Variants in KIAA1217 observed in about 807,000 individuals in gnomAD.
The protein encoded by KIAA1217 is KIAA1217.
In KIAA1217, 88 loss-of-function variants were observed where a neutral mutation model predicts 163.9. That is an observed-to-expected ratio of 0.54 (90% CI 0.45 to 0.64). The LOEUF is 0.64. Among genes scored for constraint, KIAA1217 ranks in the 30% least tolerant of loss-of-function variants. The pLI is 0.00. For synonymous variants in KIAA1217, 903 were observed against 923.1 expected, an observed-to-expected ratio of 0.98 and a Z score of 0.39; for missense variants, 2,372 against 2,475.0, an observed-to-expected ratio of 0.96 and a Z score of 0.88.
chr10:23,801,545 AG>A (rs1210582889), intron 1 of KIAA1217, among the ~76,000 whole-genome samples: 1 of 152,232 alleles, frequency 6.6e-6, no homozygotes. Context: ...ACTCCATCCA[AG>A]GGTTTAATTG....
intron 5 of KIAA1217, chr10:24,449,865 A>G (rs901655803): frequency 8.5e-6 from 4 of 470,950 alleles, no homozygotes; most frequent in African/African-American, 4.2e-5. Flanking sequence ...TTCAAGTTCA[A>G]TGCAATAGGC....
chr10:24,007,113 G>C (rs1485199274), intron 1 of KIAA1217: 2 of 151,344 alleles, frequency 1.3e-5, no homozygotes, highest in African/African-American at 4.9e-5. Context: ...TATCATAGAG[G>C]TATTTTATTC....
At chr10:24,487,283 G>C (rs1385658558) in intron 6 of KIAA1217, among the ~76,000 whole-genome samples, 2 of 152,144 alleles carry the variant, frequency 1.3e-5, no homozygotes, top group African/African-American at 2.4e-5. Flanking sequence ...ACAGAATTCT[G>C]GCTGGGCTGT....
rs2064948825 is a variant in KIAA1217, at chr10:24,157,859, C to T, written c.-170-61767C>T. On this transcript the variant is annotated intron_variant, in intron 2 of 18. Coordinates refer to the KIAA1217 transcript ENST00000376462. Reference sequence around the variant, plus strand: ...AATGGCAGCCTTTGCCATGGAACTCCAGGTGCCTGCATTAGGATCTGAACC... The same window carrying T: ...AATGGCAGCCTTTGCCATGGAACTCTAGGTGCCTGCATTAGGATCTGAACC... 5.5e-6 allele frequency: 3 copies of T among 550,376 alleles called. No individual in the cohort carries two copies. In the South Asian group the frequency reaches 8.4e-5, roughly 15 times the overall value. 34.1% of individuals were successfully genotyped at this position (550,376 alleles called of 1,614,324 possible). A position where few individuals can be genotyped will look rare whatever the true frequency, so the allele number is the denominator to read the frequency against.
chr10:23,817,998 T>TACAC lies in KIAA1217; in HGVS notation c.-321+122765_-321+122766insCACA, dbSNP rs1299529809. On this transcript the variant is annotated intron_variant, in intron 1 of 18. Coordinates refer to the KIAA1217 transcript ENST00000376462. ...ATATATATATATATATATATATATATATATATATATACACACATATATATA... is the reference window on the plus strand; with the variant it reads ...ATATATATATATATATATATATATATACACATATATATATACACACATATATATA... Among the ~76,000 whole-genome samples the TACAC allele has an allele frequency of 4.0e-3, 419 of 103,722 alleles. 14 individuals are homozygous for TACAC. The highest frequency in any genetic ancestry group is 0.017 in the African/African-American group (405 of 23,594). The allele number at this position is 103,722 out of a possible 152,430, so 68.0% of individuals were successfully genotyped here. A position where few individuals can be genotyped will look rare whatever the true frequency, so the allele number is the denominator to read the frequency against.
chr10:24,206,564 C>G (rs569627343), upstream of KIAA1217, among the ~76,000 whole-genome samples: 3 of 152,296 alleles, frequency 2.0e-5, no homozygotes, highest in South Asian at 6.2e-4. Context: ...AGTGCCTTCT[C>G]AAATTGTTTT....
chr10:24,332,065 T>G (rs2045750802), intron 2 of KIAA1217, among the ~76,000 whole-genome samples: 1 of 152,226 alleles, frequency 6.6e-6, no homozygotes, highest in South Asian at 2.1e-4. Context: ...CCTCCCAAAG[T>G]GCTAGGATTA....
intron 6 of KIAA1217, among the ~76,000 whole-genome samples, chr10:24,492,065 G>C (rs562424122): frequency 6.6e-6 from 1 of 152,256 alleles, no homozygotes; most frequent in South Asian, 2.1e-4. Flanking sequence ...GCACCACTGC[G>C]GATAGAGTCC....
intron 1 of KIAA1217, among the ~76,000 whole-genome samples, chr10:23,976,358 A>T (rs941050340): frequency 1.2e-4 from 18 of 152,202 alleles, no homozygotes; most frequent in Admixed American, 1.2e-3. Flanking sequence ...CCTCTACAAG[A>T]TTATAAATGG....
At chr10:24,066,637 CGAG>C (rs1320000441) in intron 2 of KIAA1217, among the ~76,000 whole-genome samples, 1 of 152,080 alleles carries the variant, frequency 6.6e-6, no homozygotes, top group Non-Finnish European at 1.5e-5. Flanking sequence ...TTGCTCTTCT[CGAG>C]GAGTATCTTT....
At chr10:23,878,863 G>C (rs1478280265) in intron 1 of KIAA1217, among the ~76,000 whole-genome samples, 1 of 151,872 alleles carries the variant, frequency 6.6e-6, no homozygotes, top group Non-Finnish European at 1.5e-5. Flanking sequence ...TGGGGTATGA[G>C]AGAAAAAAGA....
rs141546921 is a variant in KIAA1217 at position 23,798,299 on chromosome 10, ATCT to A, written c.-321+103071_-321+103073del. On this transcript the variant is annotated intron_variant, in intron 1 of 18. Transcript: ENST00000376462. ...ATCACGGAATTTCTGTCCATTTTAAATCTTCTTCAAGCTGCATTATTTTTGTAA... is the reference window on the plus strand; with the variant it reads ...ATCACGGAATTTCTGTCCATTTTAAATCTTCAAGCTGCATTATTTTTGTAA... 6.0e-3 allele frequency among the ~76,000 whole-genome samples: 915 copies of A among 152,286 alleles called. 20 individuals carry two copies. The East Asian group carries it at 0.068, about 11-fold the overall frequency.
At chr10:24,544,960 T>C in intron 19 of KIAA1217, 21 bp from the exon 20 acceptor site, 8 of 1,609,994 alleles carry the variant, frequency 5.0e-6, no homozygotes, top group Non-Finnish European at 6.8e-6. Flanking sequence ...CTCTTCCCCC[T>C]CTCACTGGTC....
chr10:23,953,990 C>G (rs1174745867), intron 1 of KIAA1217, among the ~76,000 whole-genome samples: 2 of 152,190 alleles, frequency 1.3e-5, no homozygotes, highest in African/African-American at 4.8e-5. Flanking sequence ...AAGCTCTTCT[C>G]TTGCTATGAA....
chr10:24,304,829 G>T (rs1405408621), intron 2 of KIAA1217, among the ~76,000 whole-genome samples: 5 of 152,172 alleles, frequency 3.3e-5, no homozygotes, highest in African/African-American at 1.2e-4. Context: ...GTAGTTTAGG[G>T]TGGCTGCATA....
chr10:24,175,965 G>A (rs746046211), intron 2 of KIAA1217, among the ~76,000 whole-genome samples: 8 of 152,156 alleles, frequency 5.3e-5, no homozygotes, highest in African/African-American at 1.2e-4. Flanking sequence ...ATTGCAAAGG[G>A]AGAAAGAACA....
At chr10:24,379,878 C>A (rs1034817644) in intron 2 of KIAA1217, among the ~76,000 whole-genome samples, 2 of 151,962 alleles carry the variant, frequency 1.3e-5, no homozygotes, top group African/African-American at 4.8e-5. Context: ...GTGGCAAAAC[C>A]CCATCTCTAC....
At chr10:24,088,197 G>A (rs2061771286) in intron 2 of KIAA1217, among the ~76,000 whole-genome samples, 2 of 118,482 alleles carry the variant, frequency 1.7e-5, no homozygotes, top group African/African-American at 5.2e-5. Context: ...GATCTCCTCT[G>A]CCCAGGCTCA....
rs1843778582 is a variant in KIAA1217, at chr10:23,941,776, C to T, written c.-320-65449C>T. On this transcript the variant is annotated intron_variant, in intron 1 of 18. Transcript: ENST00000376462. ...ACGGCACTTAGAAGAGAGTTTGGAA[C>T]TTAAATTTAGTCATGTTAGAGGGCC... Among the ~76,000 whole-genome samples the T allele has an allele frequency of 2.0e-5, 3 of 152,142 alleles. No homozygotes were observed. In the South Asian group the frequency reaches 6.2e-4, roughly 32 times the overall value.
Sources: gnomAD v4.1 joint callset for allele counts (sites outside exome capture counted in the v4.1 genomes callset) on GRCh38, gnomAD v4.1.1 for gene constraint, MANE v1.5 for transcripts, NCBI Gene and HGNC (gene_info 2026-07-23, HGNC 2026-07-21) for gene names.